The following SYN3 variants were observed in gnomAD, a reference collection of about 807,000 sequenced individuals.
SYN3 encodes synapsin-3.
A neutral mutation model predicts 65.8 loss-of-function variants in SYN3; 35 were observed. That is an observed-to-expected ratio of 0.53 (90% CI 0.41 to 0.70). The LOEUF is 0.70. Ranked by LOEUF, SYN3 falls within the 30% of genes least tolerant of loss-of-function variation. The pLI is 0.00. For synonymous variants in SYN3, 270 were observed against 292.9 expected (o/e 0.92, Z 0.80); for missense variants, 680 against 749.0 (o/e 0.91, Z 1.08).
chr22:32,586,155 CACAA>C (rs2146527971), intron 7 of SYN3, among the ~76,000 whole-genome samples: 1 of 149,818 alleles, frequency 6.7e-6, no homozygotes, highest in South Asian at 2.1e-4. Context: ...CACATATACA[CACAA>C]ACACATGCAC....
intron 6 of SYN3, among the ~76,000 whole-genome samples, chr22:32,741,431 C>G (rs1261614408): frequency 1.4e-5 from 2 of 147,062 alleles, no homozygotes; most frequent in African/African-American, 5.0e-5. Flanking sequence ...TCTCAGCTCA[C>G]TGCAAGCTCT....
At chr22:32,786,018 GAAA>G (rs5845032) in intron 6 of SYN3, among the ~76,000 whole-genome samples, 33,337 of 134,708 alleles carry the variant, frequency 0.25, 3,721 homozygotes, top group Middle Eastern at 0.36. Context: ...AGAAGAAGAA[GAAA>G]AAAAAAATAC....
At chr22:32,897,525 G>C (rs2049628763) in intron 4 of SYN3, among the ~76,000 whole-genome samples, 1 of 152,208 alleles carries the variant, frequency 6.6e-6, no homozygotes, top group Non-Finnish European at 1.5e-5. Context: ...TGCAGAGAAG[G>C]CAGCCGTGGA....
At chr22:32,684,421 T>C (rs75972909) in intron 6 of SYN3, among the ~76,000 whole-genome samples, 4,254 of 152,244 alleles carry the variant, frequency 0.028, 204 homozygotes, top group African/African-American at 0.096. Flanking sequence ...ACAAAAACAA[T>C]GACTTTCCTT....
chr22:32,659,344 C>T (rs1460455816), intron 6 of SYN3, among the ~76,000 whole-genome samples: 1 of 152,126 alleles, frequency 6.6e-6, no homozygotes. Context: ...GCTGGGGAGA[C>T]AGCCAGATCC....
chr22:32,795,096 G>A (rs959846310), intron 6 of SYN3, among the ~76,000 whole-genome samples: 4 of 152,206 alleles, frequency 2.6e-5, no homozygotes, highest in African/African-American at 9.7e-5. Context: ...CTGGGGATGA[G>A]CCAGATCACA....
At chr22:32,720,475 G>T (rs2061101414) in intron 6 of SYN3, among the ~76,000 whole-genome samples, 1 of 152,180 alleles carries the variant, frequency 6.6e-6, no homozygotes, top group Admixed American at 6.5e-5. Context: ...AAATTTTAAG[G>T]TAAGTCCTTT....
chr22:33,018,495 C>T (rs189975211), intron 1 of SYN3, among the ~76,000 whole-genome samples: 1 of 152,242 alleles, frequency 6.6e-6, no homozygotes, highest in East Asian at 1.9e-4. Context: ...GGCAAGTTTG[C>T]AAGCTTACTT....
chr22:32,716,512 AAAT>A (rs1209356497), intron 6 of SYN3, among the ~76,000 whole-genome samples: 1 of 152,032 alleles, frequency 6.6e-6, no homozygotes, highest in Admixed American at 6.6e-5. Context: ...TGGCCCCATC[AAAT>A]AATAACATAG....
At chr22:32,978,995 A>G (rs2052292456) in intron 3 of SYN3, among the ~76,000 whole-genome samples, 1 of 152,120 alleles carries the variant, frequency 6.6e-6, no homozygotes, top group Non-Finnish European at 1.5e-5. Flanking sequence ...CCTGACCAAC[A>G]TGGTGAAATT....
chr22:32,874,616 C>G (rs2048935669), intron 4 of SYN3, among the ~76,000 whole-genome samples: 1 of 152,186 alleles, frequency 6.6e-6, no homozygotes, highest in South Asian at 2.1e-4. Flanking sequence ...AGTTAATCAG[C>G]AGAAGCCTCA....
chr22:32,987,549 G>A (rs2052564158), intron 2 of SYN3, among the ~76,000 whole-genome samples: 1 of 152,156 alleles, frequency 6.6e-6, no homozygotes, highest in South Asian at 2.1e-4. Context: ...AATTAGCAAG[G>A]TCCAATGAAC....
At chr22:32,625,694 C>A (rs1280897635) in intron 6 of SYN3, among the ~76,000 whole-genome samples, 2 of 152,176 alleles carry the variant, frequency 1.3e-5, no homozygotes, top group African/African-American at 4.8e-5. Context: ...CTTCCTTCTG[C>A]TCTTCCCACC....
At chr22:32,971,078 G>A (rs2052005293) in intron 3 of SYN3, among the ~76,000 whole-genome samples, 1 of 152,198 alleles carries the variant, frequency 6.6e-6, no homozygotes, top group African/African-American at 2.4e-5. Context: ...AACACTTAAT[G>A]CGGCACCTAG....
intron 6 of SYN3, among the ~76,000 whole-genome samples, chr22:32,723,344 G>T (rs1484618543): frequency 6.6e-6 from 1 of 152,220 alleles, no homozygotes; most frequent in African/African-American, 2.4e-5. Context: ...CATTTATAAA[G>T]TGCTTAGAAC....
chr22:32,801,973 C>T lies in SYN3; in HGVS notation c.711+62942G>A. On this transcript the variant is annotated intron_variant, in intron 6 of 13. Coordinates refer to ENST00000358763, the MANE Select transcript of SYN3 (RefSeq NM_003490.4). This position sits in a 1 kb window ranked among gnomAD's most constrained non-coding sequence, Gnocchi z 4.7. ...ACGGCAACTTTGGAGAGGCGAGCAG[C>T]AGCCCCGGCAGCGGCGGCAGCAGCG... 6.3e-7 allele frequency: 1 copy of T among 1,578,732 alleles called. No homozygotes were observed. The highest frequency in any genetic ancestry group is 1.1e-5 in the South Asian group (1 of 87,262).
At chr22:32,534,023 G>GGA in intron 9 of SYN3, 128 bp from the exon 10 acceptor site, 2 of 621,484 alleles carry the variant, frequency 3.2e-6, no homozygotes, top group Non-Finnish European at 5.9e-6. Flanking sequence ...AGACGGCGAT[G>GGA]GAGAGAGACA....
intron 4 of SYN3, among the ~76,000 whole-genome samples, chr22:32,920,128 A>T (rs984338622): frequency 6.6e-6 from 1 of 152,124 alleles, no homozygotes; most frequent in African/African-American, 2.4e-5. Context: ...TGACCTTCTA[A>T]TGAGCGGATG....
chr22:32,869,193 C>T (rs942135971), intron 4 of SYN3, 68 bp from the exon 5 acceptor site: 2 of 1,558,186 alleles, frequency 1.3e-6, no homozygotes, highest in African/African-American at 1.4e-5. Flanking sequence ...CCGGCCACAG[C>T]TTGCTGGGGA....
Sources: allele counts gnomAD v4.1 joint callset (sites outside exome capture counted in the v4.1 genomes callset), GRCh38; gene constraint gnomAD v4.1.1; non-coding constraint Gnocchi (gnomAD v3.1); transcripts MANE v1.5; gene names NCBI Gene and HGNC (gene_info 2026-07-23, HGNC 2026-07-21).